CDC42EP3: variants seen among roughly 807,000 people sequenced by gnomAD.
CDC42EP3 encodes CDC42 effector protein 3.
CDC42EP3 carries 4 observed loss-of-function variants against 15.5 expected under a neutral mutation model. The observed-to-expected ratio is 0.26, with a 90% CI of 0.13 to 0.59. The LOEUF is 0.59. Ranked by LOEUF, CDC42EP3 falls within the 20% of genes least tolerant of loss-of-function variation. CDC42EP3 has a pLI of 0.89. For synonymous variants in CDC42EP3, 145 were observed against 130.3 expected, an observed-to-expected ratio of 1.11 and a Z score of -0.77; for missense variants, 309 against 311.2, an observed-to-expected ratio of 0.99 and a Z score of 0.05.
chr2:37,648,849 G>A (rs909850861), intron 1 of CDC42EP3, among the ~76,000 whole-genome samples: 8 of 151,920 alleles, frequency 5.3e-5, no homozygotes, highest in African/African-American at 1.9e-4. Flanking sequence ...TGGCCTCCCT[G>A]CCCTTTGGGC....
intron 1 of CDC42EP3, among the ~76,000 whole-genome samples, chr2:37,666,591 A>G (rs1361160819): frequency 6.6e-6 from 1 of 152,274 alleles, no homozygotes; most frequent in Non-Finnish European, 1.5e-5. Context: ...TTAGGCAAGC[A>G]GTAAGGACTA....
At chr2:37,650,218 C>G (rs191909830) in intron 1 of CDC42EP3, among the ~76,000 whole-genome samples, 2 of 152,300 alleles carry the variant, frequency 1.3e-5, no homozygotes. Context: ...CAATCCAACG[C>G]TGATAATCCA....
At chr2:37,647,651 T>A (rs901095118) in intron 1 of CDC42EP3, 2 of 152,560 alleles carry the variant, frequency 1.3e-5, no homozygotes, top group South Asian at 4.1e-4. Flanking sequence ...GGAGCCCCCA[T>A]GATCTGCCTC....
At chr2:37,666,656 G>A (rs1008197130) in intron 1 of CDC42EP3, among the ~76,000 whole-genome samples, 1 of 152,152 alleles carries the variant, frequency 6.6e-6, no homozygotes, top group African/African-American at 2.4e-5. Flanking sequence ...TGGCTATTTA[G>A]AAATAGTAAT....
intron 1 of CDC42EP3, among the ~76,000 whole-genome samples, chr2:37,656,979 GC>G (rs796652094): frequency 0.019 from 1,521 of 79,414 alleles, 46 homozygotes; most frequent in African/African-American, 0.062. Context: ...AAGTAACAAA[GC>G]CCCCCCCCCA....
In CDC42EP3 at chr2:37,642,622, T is replaced by C. The variant is rs1467320341; in HGVS notation, c.*3201A>G. On this transcript the variant is annotated 3_prime_UTR_variant, in exon 2 of 2. Transcript: ENST00000295324. ...TTTATATATTTCACAGTAAAATGAT[T>C]CAGTCTTGCCAGGTTCCATATTAGG... 1 of 152,220 alleles carries C rather than the reference T, an allele frequency of 6.6e-6. No homozygotes were observed. The highest frequency in any genetic ancestry group is 1.5e-5 in the Non-Finnish European group (1 of 68,038). 9.4% of individuals were successfully genotyped at this position (152,220 alleles called of 1,614,324 possible).
chr2:37,649,456 A>C (rs1477537074), intron 1 of CDC42EP3, among the ~76,000 whole-genome samples: 1 of 74,714 alleles, frequency 1.3e-5, no homozygotes, highest in Non-Finnish European at 2.5e-5. Context: ...AAAAAAAAAA[A>C]AAAAAAAAAA....
intron 1 of CDC42EP3, among the ~76,000 whole-genome samples, chr2:37,655,487 C>T (rs950390047): frequency 6.6e-6 from 1 of 152,110 alleles, no homozygotes; most frequent in African/African-American, 2.4e-5. Context: ...GAACAGAGGC[C>T]ATTAGGACCT....
Position 37,642,883 on chromosome 2 carries a change from G to T in CDC42EP3, c.*2940C>A, listed in dbSNP as rs1214856898. On this transcript the variant is annotated 3_prime_UTR_variant, in exon 2 of 2. Transcript: ENST00000295324. The stretch of plus-strand genomic sequence containing the variant: ...GTGTGTGCTGTTAACAGTGATTTCT[G>T]GCTCAGTGAAATGTGATAATGACTT... The T allele has an allele frequency of 1.3e-5, 2 of 152,252 alleles. No homozygotes were observed. Among genetic ancestry groups the T allele is most frequent in the Middle Eastern group, 3.4e-3 (1 of 294 alleles). The allele number at this position is 152,252 out of a possible 1,614,324, so 9.4% of individuals were successfully genotyped here. A position where few individuals can be genotyped will look rare whatever the true frequency, so the allele number is the denominator to read the frequency against.
rs759017512 is a variant in CDC42EP3 at position 37,649,395 on chromosome 2, C to T, written c.-235-2573G>A. On this transcript the variant is annotated intron_variant, in intron 1 of 1. Coordinates refer to ENST00000295324, the MANE Select transcript of CDC42EP3 (RefSeq NM_006449.5). ...GGTTGAGCCCAGGAATTCAAGGCTGCGGAGAGCTATGATTGTACCACTGCA... is the reference window on the plus strand; with the variant it reads ...GGTTGAGCCCAGGAATTCAAGGCTGTGGAGAGCTATGATTGTACCACTGCA... Among the ~76,000 whole-genome samples, 48 of 122,450 alleles carry T rather than the reference C, an allele frequency of 3.9e-4. 1 individual carries two copies. The highest frequency in any genetic ancestry group is 1.3e-3 in the African/African-American group (42 of 32,014). The allele number at this position is 122,450 out of a possible 152,430, so 80.3% of individuals were successfully genotyped here.
chr2:37,656,979 GCCC>G (rs796652094), intron 1 of CDC42EP3, among the ~76,000 whole-genome samples: 5 of 79,756 alleles, frequency 6.3e-5, no homozygotes, highest in African/African-American at 2.4e-4. Flanking sequence ...AAGTAACAAA[GCCC>G]CCCCCCCACC....
chr2:37,671,750 G>A (rs907214139), upstream of CDC42EP3: 3 of 151,204 alleles, frequency 2.0e-5, no homozygotes, highest in Admixed American at 2.0e-4. Context: ...GGCGCGGGCA[G>A]CGGGGCCGAC....
At chr2:37,652,715 A>C (rs143966009) in intron 1 of CDC42EP3, among the ~76,000 whole-genome samples, 380 of 151,652 alleles carry the variant, frequency 2.5e-3, no homozygotes, top group African/African-American at 8.8e-3. Context: ...CAGGTGCACA[A>C]CACCATTCCC....
chr2:37,666,364 A>G (rs1666249822), intron 1 of CDC42EP3, among the ~76,000 whole-genome samples: 1 of 152,194 alleles, frequency 6.6e-6, no homozygotes, highest in South Asian at 2.1e-4. Context: ...GGGGTCCCAC[A>G]GAATACTTTT....
At chr2:37,657,778 G>C (rs1212167611) in intron 1 of CDC42EP3, among the ~76,000 whole-genome samples, 2 of 152,134 alleles carry the variant, frequency 1.3e-5, no homozygotes, top group African/African-American at 4.8e-5. Flanking sequence ...GGCAATGTCT[G>C]GGAATATTGT....
At chr2:37,665,122 C>G (rs1026844090) in intron 1 of CDC42EP3, among the ~76,000 whole-genome samples, 1 of 69,162 alleles carries the variant, frequency 1.4e-5, no homozygotes, top group East Asian at 8.1e-4. Context: ...TTAATAAACT[C>G]CCCTTTATAT....
chr2:37,652,245 A>C (rs2124618179), intron 1 of CDC42EP3, among the ~76,000 whole-genome samples: 1 of 150,926 alleles, frequency 6.6e-6, no homozygotes, highest in African/African-American at 2.4e-5. Context: ...CTGGTGAATG[A>C]CCAACACATC....
At chr2:37,655,085 A>ATTCT (rs1461213194) in intron 1 of CDC42EP3, among the ~76,000 whole-genome samples, 11 of 152,200 alleles carry the variant, frequency 7.2e-5, no homozygotes, top group Non-Finnish European at 2.9e-5. Context: ...CTATTTTTAG[A>ATTCT]TTCTTACCCT....
intron 1 of CDC42EP3, among the ~76,000 whole-genome samples, chr2:37,665,225 C>T (rs1337367542): frequency 6.6e-6 from 1 of 152,048 alleles, no homozygotes; most frequent in Admixed American, 6.5e-5. Context: ...AAAAGAGGAA[C>T]AGAATCACAG....
Sources: allele counts gnomAD v4.1 joint callset (sites outside exome capture counted in the v4.1 genomes callset), GRCh38; gene constraint gnomAD v4.1.1; transcripts MANE v1.5; gene names NCBI Gene and HGNC (gene_info 2026-07-23, HGNC 2026-07-21).